AGMO: variants seen among roughly 807,000 people sequenced by gnomAD.
The protein encoded by AGMO is alkylglycerol monooxygenase, also known as glyceryl-ether monooxygenase.
Under a neutral mutation model 60.2 loss-of-function variants are expected in AGMO, and 75 were observed. That is an observed-to-expected ratio of 1.25 (90% CI 1.03 to 1.51). The LOEUF is 1.51. Among genes scored for constraint, AGMO ranks in the 40% most tolerant of loss-of-function variants. The pLI is 0.00. For missense variants in AGMO, 763 were observed against 525.5 expected, an observed-to-expected ratio of 1.45 and a Z score of -4.42; for synonymous variants, 261 against 177.1, an observed-to-expected ratio of 1.47 and a Z score of -3.76.
intron 10 of AGMO, among the ~76,000 whole-genome samples, 154 bp downstream of exon 10, chr7:15,385,292 G>T (rs1023981804): frequency 6.6e-6 from 1 of 152,160 alleles, no homozygotes; most frequent in African/African-American, 2.4e-5. Context: ...TAGTCTAGAA[G>T]ATTTGTTTTA....
chr7:15,188,932 G>A, the AGMO span, among the ~76,000 whole-genome samples: 132,110 of 152,174 alleles, frequency 0.87, 57,589 homozygotes, highest in East Asian at 1. Flanking sequence ...AGAGAGAATC[G>A]GAGGAGATAA....
At chr7:15,192,605 G>A in the AGMO span, among the ~76,000 whole-genome samples, 2 of 152,238 alleles carry the variant, frequency 1.3e-5, no homozygotes, top group South Asian at 4.2e-4. Flanking sequence ...GGTACCAAGA[G>A]CGCAGGGTGT....
At chr7:15,451,900 T>C (rs928303855) in intron 3 of AGMO, among the ~76,000 whole-genome samples, 5 of 152,162 alleles carry the variant, frequency 3.3e-5, no homozygotes, top group Non-Finnish European at 5.9e-5. Context: ...GCCTTACTTA[T>C]TGGAACACGG....
At chr7:15,135,973 T>C in the AGMO span, among the ~76,000 whole-genome samples, 20 of 94,782 alleles carry the variant, frequency 2.1e-4, no homozygotes, top group African/African-American at 6.1e-4. Flanking sequence ...TTATATTTTT[T>C]CTTTTCTTTT....
intron 3 of AGMO, among the ~76,000 whole-genome samples, chr7:15,449,777 T>C (rs1781809992): frequency 6.6e-6 from 1 of 152,222 alleles, no homozygotes; most frequent in African/African-American, 2.4e-5. Flanking sequence ...GTACTACTTA[T>C]TTTTTTAAAA....
At chr7:15,368,329 T>TA in intron 10 of AGMO, among the ~76,000 whole-genome samples, 1 of 151,322 alleles carries the variant, frequency 6.6e-6, no homozygotes, top group Admixed American at 6.6e-5. Context: ...TAGAAGTAAC[T>TA]AAGGTTTGTT....
At chr7:15,425,460 G>C (rs111263179) in intron 4 of AGMO, among the ~76,000 whole-genome samples, 16 of 149,384 alleles carry the variant, frequency 1.1e-4, no homozygotes, top group African/African-American at 3.9e-4. Flanking sequence ...TGAGAAAGAG[G>C]GTCTTGCTCT....
rs554774965 is a variant in AGMO at position 15,289,978 on chromosome 7, G to A, written c.1263+75536C>T. On this transcript the variant is annotated intron_variant, in intron 12 of 12. Coordinates refer to ENST00000342526, the MANE Select transcript of AGMO (RefSeq NM_001004320.2). ...TTTTTTTTTTTTTTTTTTAGATGGA[G>A]TCTCGCTATGTTGCCCAGGATGGAC... Among the ~76,000 whole-genome samples the A allele has an allele frequency of 1.5e-3, 155 of 102,258 alleles. 1 individual carries two copies. The highest frequency in any genetic ancestry group is 5.4e-3 in the African/African-American group (146 of 26,928). The allele number at this position is 102,258 out of a possible 152,430, so 67.1% of individuals were successfully genotyped here.
intron 3 of AGMO, among the ~76,000 whole-genome samples, chr7:15,436,601 G>A (rs1781411357): frequency 6.6e-6 from 1 of 152,000 alleles, no homozygotes; most frequent in Admixed American, 6.5e-5. Context: ...CATGAGTCTA[G>A]AAATTACTTA....
At chr7:15,484,342 G>C (rs935986244) in intron 3 of AGMO, among the ~76,000 whole-genome samples, 14 of 152,126 alleles carry the variant, frequency 9.2e-5, no homozygotes, top group African/African-American at 2.9e-4. Context: ...AAATTCATTT[G>C]CATCAAGTTC....
At position 15,218,327 on chromosome 7, in the gene AGMO, A is replaced by ATGTGTGTGTGTG. The variant is rs138890087; in HGVS notation, c.1264-16980_1264-16969dup. ...ATACTATATTGACTATGGTGTGTGT[A>ATGTGTGTGTGTG]TGTGTGTGTGTGTGTGTGTGTGTGT... On this transcript the variant is annotated intron_variant, in intron 12 of 12. Transcript: ENST00000342526. Among the ~76,000 whole-genome samples, 475 of 144,014 alleles carry ATGTGTGTGTGTG rather than the reference A, an allele frequency of 3.3e-3. 1 individual carries two copies. The highest frequency in any genetic ancestry group is 7.8e-3 in the African/African-American group (303 of 38,864). 94.5% of individuals were successfully genotyped at this position (144,014 alleles called of 152,430 possible).
At chr7:15,463,176 T>C (rs62438754) in intron 3 of AGMO, among the ~76,000 whole-genome samples, 96 of 152,214 alleles carry the variant, frequency 6.3e-4, no homozygotes, top group Non-Finnish European at 1.1e-3. Context: ...GTTTAAAATA[T>C]ACAGAAAGTA....
chr7:15,296,674 G>A (rs1476791143), intron 12 of AGMO, among the ~76,000 whole-genome samples: 1 of 152,126 alleles, frequency 6.6e-6, no homozygotes, highest in Non-Finnish European at 1.5e-5. Flanking sequence ...ACATAATTAA[G>A]AAGTAACTAG....
At chr7:15,210,920 A>C (rs1781571129) in intron 12 of AGMO, among the ~76,000 whole-genome samples, 1 of 152,132 alleles carries the variant, frequency 6.6e-6, no homozygotes, top group Non-Finnish European at 1.5e-5. Context: ...GGATAAAGTG[A>C]TACTGTTAAT....
chr7:15,373,251 C>A (rs73064598), intron 10 of AGMO, among the ~76,000 whole-genome samples: 7,391 of 151,500 alleles, frequency 0.049, 224 homozygotes, highest in South Asian at 0.12. Context: ...GCACTCCAGC[C>A]TGGACAACAG....
chr7:15,173,112 ATTGAAGTAAATCTATTGAATATATTTG>A, the AGMO span, among the ~76,000 whole-genome samples: 3 of 152,170 alleles, frequency 2.0e-5, no homozygotes, highest in South Asian at 2.1e-4. Flanking sequence ...GAATACATTT[ATTGAAGTAAATCTATTGAATATATTTG>A]TTGAAGTAAA....
intron 12 of AGMO, among the ~76,000 whole-genome samples, chr7:15,278,202 G>A (rs914033422): frequency 7.9e-5 from 12 of 152,142 alleles, no homozygotes; most frequent in African/African-American, 2.7e-4. Flanking sequence ...TGGCTCATCT[G>A]ATCTCCAATG....
chr7:15,433,434 TA>T (rs11288973), intron 3 of AGMO, among the ~76,000 whole-genome samples: 52,916 of 149,596 alleles, frequency 0.35, 9,426 homozygotes, highest in Middle Eastern at 0.4. Flanking sequence ...TCAGAATTGG[TA>T]AAAAAAAAAG....
At chr7:15,262,989 T>C (rs541805829) in intron 12 of AGMO, among the ~76,000 whole-genome samples, 3 of 152,216 alleles carry the variant, frequency 2.0e-5, no homozygotes, top group South Asian at 2.1e-4. Flanking sequence ...GAAGATAACA[T>C]TGTAAAAACC....
Sources: allele counts gnomAD v4.1 joint callset (sites outside exome capture counted in the v4.1 genomes callset), GRCh38; gene constraint gnomAD v4.1.1; transcripts MANE v1.5; gene names NCBI Gene and HGNC (gene_info 2026-07-23, HGNC 2026-07-21).